Variants in CSRP2 observed in about 807,000 individuals in gnomAD.
CSRP2 encodes cysteine and glycine rich protein 2, also known as cysteine and glycine-rich protein 2.
Under a neutral mutation model 24.6 loss-of-function variants are expected in CSRP2, and 18 were observed. The ratio of observed to expected loss-of-function variants is 0.73; its 90% CI spans 0.51 to 1.09. The LOEUF (loss-of-function observed/expected upper bound fraction) is 1.09. CSRP2 is among the 50% of genes least tolerant of loss of function. The pLI is 0.00. For synonymous variants in CSRP2, 87 were observed against 84.3 expected (o/e 1.03, Z -0.18); for missense variants, 215 against 239.4 (o/e 0.90, Z 0.67).
At chr12:76,871,606 T>TA (rs1953799339) in intron 1 of CSRP2, among the ~76,000 whole-genome samples, 1 of 151,870 alleles carries the variant, frequency 6.6e-6, no homozygotes, top group Non-Finnish European at 1.5e-5. Context: ...CCGTCTCTAC[T>TA]AAAAATACTT....
chr12:76,860,487 T>G, intron 3 of CSRP2, 74 bp from the exon 4 acceptor site: 1 of 1,550,092 alleles, frequency 6.5e-7, no homozygotes, highest in South Asian at 1.2e-5. Context: ...GCAGGAACAA[T>G]AGAACTCTGG....
chr12:76,872,393 G>A (rs993588226), intron 1 of CSRP2, among the ~76,000 whole-genome samples: 1 of 152,216 alleles, frequency 6.6e-6, no homozygotes, highest in African/African-American at 2.4e-5. Flanking sequence ...AGGAAAAGGG[G>A]TCCTTGGGAA....
chr12:76,863,219 G>A lies in CSRP2; in HGVS notation c.238C>T (p.Leu80Phe), dbSNP rs1953701661. ...AGCCTCTCGCCACGGTCCATGTTAAGCGTGCCAGCGCCCTGGCCATAACCG... is the reference window on the plus strand; with the variant it reads ...AGCCTCTCGCCACGGTCCATGTTAAACGTGCCAGCGCCCTGGCCATAACCG... ...GYGYGQGAGT[L>F]NMDRGERLGI... The change falls in exon 3 of 6, where the codon CTT becomes TTT. Residue 80 changes from leucine (L) to phenylalanine (F), a missense_variant. Coordinates refer to ENST00000311083, the MANE Select transcript of CSRP2 (RefSeq NM_001321.3). 5.0e-6 allele frequency: 8 copies of A among 1,614,182 alleles called. No homozygotes were observed. The highest frequency in any genetic ancestry group is 2.5e-6 in the Non-Finnish European group (3 of 1,180,020).
rs778696932 is a variant in CSRP2, at chr12:76,860,425, A to AG, written c.282-13dup. The stretch of plus-strand genomic sequence containing the variant: ...TGTGAGGCTGAACACTTGTGAAAAG[A>AG]GGAAAAAAAAAGTAGGCAAGAGTTT... On this transcript the variant is annotated splice_polypyrimidine_tract_variant and intron_variant, in intron 3 of 5. Transcript: ENST00000311083. 7.4e-5 allele frequency: 116 copies of AG among 1,559,976 alleles called. No homozygotes were observed. Among genetic ancestry groups the AG allele is most frequent in the Admixed American group, 1.9e-4 (10 of 53,438 alleles).
rs545598627 is a variant in CSRP2, at chr12:76,865,791, C to T, written c.112+358G>A. 12 of 182,668 alleles carry T rather than the reference C, an allele frequency of 6.6e-5. 2 individuals are homozygous for T. The South Asian group carries it at 2.1e-3, about 32-fold the overall frequency. 11.3% of individuals were successfully genotyped at this position (182,668 alleles called of 1,614,324 possible). The stretch of plus-strand genomic sequence containing the variant: ...AAAGCTGGGGTGGATGAGGAGCAAT[C>T]ATTTACTCAAAAATGGGAGCTAAGC... On this transcript the variant is annotated intron_variant, in intron 2 of 5. Transcript: ENST00000311083.
At chr12:76,861,037 G>T (rs1953671511) in intron 3 of CSRP2, 2 of 152,106 alleles carry the variant, frequency 1.3e-5, no homozygotes, top group South Asian at 4.1e-4. Context: ...TCTGGTAAGG[G>T]TGGTATTTTT....
At chr12:76,860,263 T>G (rs1390665341) in intron 4 of CSRP2, 21 bp downstream of exon 4, 1 of 1,610,646 alleles carries the variant, frequency 6.2e-7, no homozygotes, top group Non-Finnish European at 8.5e-7. Flanking sequence ...TTGCTGTTAT[T>G]AATTCCAAAT....
chr12:76,861,093 G>C (rs187671363), intron 3 of CSRP2: 362 of 151,834 alleles, frequency 2.4e-3, no homozygotes, highest in African/African-American at 8.3e-3. Context: ...CTTGCTATCA[G>C]TAGGAACTGT....
At chr12:76,862,547 G>GA (rs1235005878) in intron 3 of CSRP2, 2,899 of 290,924 alleles carry the variant, frequency 1.0e-2, no homozygotes, top group East Asian at 0.014. Flanking sequence ...TGACAAAAAA[G>GA]AAAAAAAAAA....
chr12:76,865,417 G>A (rs1165948549), intron 2 of CSRP2, among the ~76,000 whole-genome samples: 1 of 152,142 alleles, frequency 6.6e-6, no homozygotes, highest in African/African-American at 2.4e-5. Flanking sequence ...GTCTGCTTCT[G>A]GTTGTCTGCA....
intron 5 of CSRP2, 72 bp downstream of exon 5, chr12:76,859,475 C>A (rs2137820282): frequency 4.2e-6 from 4 of 950,414 alleles, no homozygotes; most frequent in South Asian, 1.7e-5. Flanking sequence ...TTTTTAATGC[C>A]AGTGACATTT....
At chr12:76,874,488 A>T (rs1263922278) in intron 1 of CSRP2, among the ~76,000 whole-genome samples, 1 of 152,110 alleles carries the variant, frequency 6.6e-6, no homozygotes, top group Non-Finnish European at 1.5e-5. Context: ...TAATGAGATA[A>T]AGTTTGTAAA....
Position 76,859,632 on chromosome 12 carries a change from G to A in CSRP2, c.420C>T (p.His140=), listed in dbSNP as rs1318502870. Residue 140 remains histidine, a synonymous_variant, in exon 5 of 6, where the codon CAC becomes CAT. Transcript: ENST00000311083. ...ACTTTGCACATCGGAAACAGTTTTTGTGCCAGGGCTGGAAGAGATGAATGT... is the reference window on the plus strand; with the variant it reads ...ACTTTGCACATCGGAAACAGTTTTTATGCCAGGGCTGGAAGAGATGAATGT... ...EKIIGAGKPW[H]KNCFRCAKCG... is the part of the protein sequence containing the mutation. 1.9e-6 allele frequency: 3 copies of A among 1,611,400 alleles called. No individual in the cohort carries two copies. Among genetic ancestry groups the A allele is most frequent in the African/African-American group, 2.7e-5 (2 of 74,768 alleles).
chr12:76,874,226 G>C (rs1358471894), intron 1 of CSRP2, among the ~76,000 whole-genome samples: 1 of 152,206 alleles, frequency 6.6e-6, no homozygotes, highest in African/African-American at 2.4e-5. Flanking sequence ...ATTCAGTCCA[G>C]GTTCTACAAT....
intron 1 of CSRP2, among the ~76,000 whole-genome samples, chr12:76,867,285 T>C: frequency 6.7e-6 from 1 of 149,014 alleles, no homozygotes; most frequent in East Asian, 2.0e-4. Context: ...GGTCAGGAGT[T>C]TGAGACCAGC....
chr12:76,866,334 A>T (rs1201427083), intron 1 of CSRP2, 73 bp from the exon 2 acceptor site: 1 of 1,152,356 alleles, frequency 8.7e-7, no homozygotes, highest in Admixed American at 2.1e-5. Flanking sequence ...ATTTAAGCCC[A>T]GGGACAGCTG....
intron 1 of CSRP2, chr12:76,878,310 A>G (rs1025872795): frequency 6.6e-5 from 10 of 152,290 alleles, no homozygotes; most frequent in Non-Finnish European, 1.3e-4. Context: ...TAAGTGATTG[A>G]CATTCCCTGC....
intron 3 of CSRP2, chr12:76,862,930 G>A (rs1161837419): frequency 6.6e-7 from 1 of 1,511,972 alleles, no homozygotes. Context: ...TTGCTTTTGA[G>A]AACACGACTC....
chr12:76,859,555 T>C lies in CSRP2; in HGVS notation c.497A>G (p.Tyr166Cys). Residue 166 changes from tyrosine to cysteine, a missense_variant, in exon 5 of 6, where the codon TAT becomes TGT. By Grantham distance (194) the Tyr-to-Cys change is radical. Coordinates refer to ENST00000311083, the MANE Select transcript of CSRP2 (RefSeq NM_001321.3). ...TTLTEKEGEI[Y>C]CKGCYAKNFG... ...ACTGAAATGAATTTTACCTTTACAA[T>C]AGATTTCACCTTCTTTTTCAGTCAG... 1 of 1,611,308 alleles carries C rather than the reference T, an allele frequency of 6.2e-7. No individual in the cohort carries two copies. The highest frequency in any genetic ancestry group is 8.5e-7 in the Non-Finnish European group (1 of 1,177,716).
Sources: gnomAD v4.1 joint callset for allele counts (sites outside exome capture counted in the v4.1 genomes callset) on GRCh38, gnomAD v4.1.1 for gene constraint, MANE v1.5 for transcripts, NCBI Gene and HGNC (gene_info 2026-07-23, HGNC 2026-07-21) for gene names.